STAG1: variants seen among roughly 807,000 people sequenced by gnomAD.
STAG1 encodes cohesin subunit SA-1.
STAG1 carries 26 observed loss-of-function variants against 170.9 expected under a neutral mutation model. The ratio of observed to expected loss-of-function variants is 0.15; its 90% CI spans 0.11 to 0.21. The LOEUF is 0.21. Among genes scored for constraint, STAG1 ranks in the 10% least tolerant of loss-of-function variants. The pLI, the probability that STAG1 is intolerant of heterozygous loss-of-function variation, is 1.00. For synonymous variants in STAG1, 514 were observed against 497.7 expected (o/e 1.03, Z -0.44); for missense variants, 964 against 1,509.5 (o/e 0.64, Z 5.99).
intron 3 of STAG1, among the ~76,000 whole-genome samples, chr3:136,616,010 T>G (rs1020216792): frequency 1.3e-5 from 2 of 152,040 alleles, no homozygotes; most frequent in Non-Finnish European, 2.9e-5. Context: ...GGCTCGCACC[T>G]GTAATCCCAG....
At chr3:136,346,183 T>A (rs535305639) in intron 29 of STAG1, among the ~76,000 whole-genome samples, 1 of 152,312 alleles carries the variant, frequency 6.6e-6, no homozygotes, top group South Asian at 2.1e-4. Flanking sequence ...CATGGTGAAA[T>A]CAAACAGCCT....
chr3:136,436,567 C>T (rs1369707702), intron 15 of STAG1, among the ~76,000 whole-genome samples: 1 of 152,132 alleles, frequency 6.6e-6, no homozygotes, highest in Non-Finnish European at 1.5e-5. Flanking sequence ...AGGTGTGAGC[C>T]CCTGTGCCCA....
intron 26 of STAG1, 47 bp from the exon 27 acceptor site, chr3:136,359,343 A>G: frequency 7.1e-7 from 1 of 1,408,668 alleles, no homozygotes. Flanking sequence ...TCAGAATTTT[A>G]AACAGTTATT....
chr3:136,707,660 A>G (rs2107915212), intron 1 of STAG1, among the ~76,000 whole-genome samples: 1 of 152,332 alleles, frequency 6.6e-6, no homozygotes, highest in South Asian at 2.1e-4. Context: ...GCTACTTTAC[A>G]ACATGGCAGA....
At chr3:136,736,808 A>G in intron 1 of STAG1, 2 of 1,585,732 alleles carry the variant, frequency 1.3e-6, no homozygotes, top group East Asian at 2.2e-5. Flanking sequence ...CTCCTCTACA[A>G]TTGTAGGTTT....
At chr3:136,642,918 C>T (rs1940857398) in intron 1 of STAG1, among the ~76,000 whole-genome samples, 1 of 152,184 alleles carries the variant, frequency 6.6e-6, no homozygotes, top group Non-Finnish European at 1.5e-5. Context: ...TCTCTGCCTC[C>T]ATCTTCACAT....
chr3:136,430,700 G>A (rs1455364765), intron 16 of STAG1, among the ~76,000 whole-genome samples: 1 of 150,634 alleles, frequency 6.6e-6, no homozygotes, highest in Non-Finnish European at 1.5e-5. Flanking sequence ...TGCATTCAAA[G>A]CTGTCCTGGG....
chr3:136,574,039 G>A (rs531599564), intron 4 of STAG1, among the ~76,000 whole-genome samples: 4 of 152,024 alleles, frequency 2.6e-5, no homozygotes, highest in South Asian at 2.1e-4. Context: ...GCAGGAGATC[G>A]AGACCATCCT....
At chr3:136,439,895 A>G (rs1392768829) in intron 15 of STAG1, among the ~76,000 whole-genome samples, 1 of 152,188 alleles carries the variant, frequency 6.6e-6, no homozygotes, top group East Asian at 1.9e-4. Context: ...AAACCAACCA[A>G]CCAAACCCAA....
intron 9 of STAG1, among the ~76,000 whole-genome samples, chr3:136,478,470 TATC>T: frequency 1.3e-5 from 2 of 152,352 alleles, no homozygotes; most frequent in Middle Eastern, 6.8e-3. Flanking sequence ...TTAACTATAA[TATC>T]ATAAATCCTA....
chr3:136,713,918 G>C (rs1943452518), intron 1 of STAG1, among the ~76,000 whole-genome samples: 1 of 152,108 alleles, frequency 6.6e-6, no homozygotes, highest in Non-Finnish European at 1.5e-5. Context: ...AGCTACTCGG[G>C]TGCCTGAGGC....
chr3:136,580,358 TAAA>T (rs532334526), intron 4 of STAG1, among the ~76,000 whole-genome samples: 1 of 151,658 alleles, frequency 6.6e-6, no homozygotes, highest in Admixed American at 6.6e-5. Context: ...ACTAGGTAAA[TAAA>T]AAAACAGAAA....
At position 136,477,409 on chromosome 3, in the gene STAG1, A is replaced by G; in HGVS notation, c.906T>C (p.Asp302=). Residue 302 remains aspartate (D), a synonymous_variant, in exon 10 of 34, where the codon GAT becomes GAC. Coordinates refer to ENST00000383202, the MANE Select transcript of STAG1 (RefSeq NM_005862.3). The part of the protein sequence containing the change: ...FKGIFVHRYR[D]AIAEIRAICI... Reference sequence around the variant, plus strand: ...AAATGGCTCTAATCTCAGCAATAGCATCACTAGAGAGAGAAAAAAAAGACA... The same window carrying G: ...AAATGGCTCTAATCTCAGCAATAGCGTCACTAGAGAGAGAAAAAAAAGACA... 1.2e-6 allele frequency: 2 copies of G among 1,602,858 alleles called. No individual in the cohort carries two copies. Among genetic ancestry groups the G allele is most frequent in the Admixed American group, 3.4e-5 (2 of 58,134 alleles).
intron 1 of STAG1, among the ~76,000 whole-genome samples, chr3:136,715,947 A>C (rs1943530334): frequency 1.3e-5 from 2 of 151,916 alleles, no homozygotes; most frequent in Non-Finnish European, 2.9e-5. Context: ...AAAATAAAAA[A>C]AATTAGCCAG....
At chr3:136,508,173 C>T (rs1933865047) in intron 7 of STAG1, among the ~76,000 whole-genome samples, 1 of 152,158 alleles carries the variant, frequency 6.6e-6, no homozygotes, top group Admixed American at 6.5e-5. Context: ...CCAGGCATGG[C>T]TAGACTATCA....
In STAG1 at chr3:136,338,196, T is replaced by C. The variant is rs2108251767; in HGVS notation, c.*58A>G. On this transcript the variant is annotated 3_prime_UTR_variant, in exon 34 of 34. Coordinates refer to ENST00000383202, the MANE Select transcript of STAG1 (RefSeq NM_005862.3). ...TTTTTCCCCATACAAGCTATCACAG[T>C]ATATAGGCCTCTAGCTCTAAATAAT... 1.7e-6 allele frequency: 2 copies of C among 1,180,176 alleles called. No homozygotes were observed. The highest frequency in any genetic ancestry group is 4.7e-5 in the East Asian group (2 of 42,824). The allele number at this position is 1,180,176 out of a possible 1,614,324, so 73.1% of individuals were successfully genotyped here.
At chr3:136,462,240 C>A (rs1161668740) in intron 13 of STAG1, among the ~76,000 whole-genome samples, 1 of 152,150 alleles carries the variant, frequency 6.6e-6, no homozygotes, top group African/African-American at 2.4e-5. Flanking sequence ...GATATCTGCA[C>A]TGCCATGTTT....
intron 6 of STAG1, among the ~76,000 whole-genome samples, chr3:136,529,306 G>A (rs758308919): frequency 3.4e-4 from 52 of 152,124 alleles, no homozygotes; most frequent in Non-Finnish European, 5.9e-4. Context: ...AAGAGGCTAA[G>A]ATCCAAAAAG....
At chr3:136,339,330 C>T (rs1189223795) in intron 32 of STAG1, among the ~76,000 whole-genome samples, 1 of 152,188 alleles carries the variant, frequency 6.6e-6, no homozygotes, top group Non-Finnish European at 1.5e-5. Flanking sequence ...CAAGACCATC[C>T]TGGCCAACAT....
Sources: gnomAD v4.1 joint callset for allele counts (sites outside exome capture counted in the v4.1 genomes callset) on GRCh38, gnomAD v4.1.1 for gene constraint, MANE v1.5 for transcripts, NCBI Gene and HGNC (gene_info 2026-07-23, HGNC 2026-07-21) for gene names.